FAAH2: variants seen among roughly 807,000 people sequenced by gnomAD.
FAAH2 encodes fatty acid amide hydrolase 2.
FAAH2 carries 60 observed loss-of-function variants against 36.9 expected under a neutral mutation model. The ratio of observed to expected loss-of-function variants is 1.63; its 90% CI spans 1.32 to 2.02. The LOEUF is 2.02. FAAH2 is among the 30% of genes most tolerant of loss of function. The probability of loss-of-function intolerance (pLI) is 0.00; values close to 1 mark genes in which losing one functional copy is unlikely to be tolerated. For missense variants in FAAH2, 689 were observed against 397.5 expected (o/e 1.73, Z -6.23); for synonymous variants, 214 against 143.8 (o/e 1.49, Z -3.49).
At chrX:57,365,069 A>C (rs938046937) in intron 5 of FAAH2, among the ~76,000 whole-genome samples, 1 of 111,674 alleles carries the variant, frequency 9.0e-6, no homozygotes, top group Non-Finnish European at 1.9e-5. Flanking sequence ...ATCAAGTATA[A>C]AGATTTATTC....
chrX:57,282,546 T>A (rs761896966), upstream of FAAH2, among the ~76,000 whole-genome samples: 3 of 112,156 alleles, frequency 2.7e-5, no homozygotes, highest in Non-Finnish European at 5.6e-5. Flanking sequence ...TCTGTGTGGG[T>A]TGATGTTCCT....
At chrX:57,466,156 C>CTCTATATATATATATATATA (rs1287266105) in intron 10 of FAAH2, among the ~76,000 whole-genome samples, 12 of 66,382 alleles carry the variant, frequency 1.8e-4, no homozygotes, top group African/African-American at 4.7e-4. Flanking sequence ...CTCTCTCTCT[C>CTCTATATATATATATATATA]TATATATATA....
the FAAH2 span, among the ~76,000 whole-genome samples, chrX:57,216,546 ATATG>A: frequency 3.3e-4 from 20 of 59,717 alleles, no homozygotes; most frequent in Non-Finnish European, 5.2e-4. Context: ...ATATATACGT[ATATG>A]TATATATATA....
At chrX:57,284,423 C>A (rs1055833774), upstream of FAAH2, among the ~76,000 whole-genome samples, 2 of 101,442 alleles carry the variant, frequency 2.0e-5, no homozygotes, top group African/African-American at 4.0e-5. Flanking sequence ...ACAACAACAA[C>A]AAAACCTGGA....
intron 5 of FAAH2, among the ~76,000 whole-genome samples, chrX:57,377,427 G>C (rs1367730325): frequency 1.8e-5 from 2 of 111,841 alleles, no homozygotes; most frequent in Middle Eastern, 4.6e-3. Flanking sequence ...TCTTGTTTTT[G>C]TCAGGTTTGT....
At chrX:57,422,854 AT>A (rs1330348673) in intron 7 of FAAH2, among the ~76,000 whole-genome samples, 1 of 112,374 alleles carries the variant, frequency 8.9e-6, no homozygotes, top group African/African-American at 3.2e-5. Context: ...ACACTGTAAA[AT>A]TTTATCCAAG....
At chrX:57,178,938 C>T in the FAAH2 span, among the ~76,000 whole-genome samples, 298 of 111,771 alleles carry the variant, frequency 2.7e-3, no homozygotes, top group African/African-American at 9.0e-3. Flanking sequence ...AATCAGAAAA[C>T]ATACAAGCCA....
At chrX:57,159,408 T>G in the FAAH2 span, among the ~76,000 whole-genome samples, 1 of 111,754 alleles carries the variant, frequency 8.9e-6, no homozygotes, top group Non-Finnish European at 1.9e-5. Context: ...GGGATGGCAT[T>G]GAATCTATAA....
intron 7 of FAAH2, among the ~76,000 whole-genome samples, chrX:57,417,035 T>C (rs2147055792): frequency 8.9e-6 from 1 of 112,213 alleles, no homozygotes; most frequent in Admixed American, 9.5e-5. Flanking sequence ...TTGATACTTG[T>C]GTATGCTTCA....
intron 7 of FAAH2, among the ~76,000 whole-genome samples, chrX:57,431,003 A>G (rs780089935): frequency 9.0e-6 from 1 of 111,415 alleles, no homozygotes; most frequent in Non-Finnish European, 1.9e-5. Flanking sequence ...AGTGTAGGAC[A>G]CCTTTTGGTC....
At chrX:57,329,724 C>T (rs911974707) in intron 3 of FAAH2, among the ~76,000 whole-genome samples, 4 of 110,199 alleles carry the variant, frequency 3.6e-5, no homozygotes, top group African/African-American at 9.9e-5. Context: ...GGGAGGCTGC[C>T]GTAGTGGCAG....
chrX:57,480,870 C>T (rs776725942), intron 10 of FAAH2, among the ~76,000 whole-genome samples: 17 of 110,979 alleles, frequency 1.5e-4, no homozygotes, highest in Admixed American at 7.7e-4. Flanking sequence ...CCCTCAGGGA[C>T]CCCAGTCGAT....
chrX:57,384,860 G>A (rs1014971466), intron 7 of FAAH2, among the ~76,000 whole-genome samples: 3 of 110,801 alleles, frequency 2.7e-5, no homozygotes, highest in Non-Finnish European at 5.7e-5. Flanking sequence ...ATTCACAATA[G>A]CAAAGACTTG....
chrX:57,338,858 T>G (rs1235966372), intron 4 of FAAH2, among the ~76,000 whole-genome samples: 1 of 111,397 alleles, frequency 9.0e-6, no homozygotes, highest in Non-Finnish European at 1.9e-5. Context: ...GATTCAATGC[T>G]ATTCCTATTA....
At chrX:57,202,949 C>A in the FAAH2 span, among the ~76,000 whole-genome samples, 1 of 112,038 alleles carries the variant, frequency 8.9e-6, no homozygotes, top group Non-Finnish European at 1.9e-5. Flanking sequence ...TTTTGCCAGA[C>A]TAACACTATT....
chrX:57,303,465 T>A (rs888435767), intron 2 of FAAH2, among the ~76,000 whole-genome samples: 6 of 112,229 alleles, frequency 5.3e-5, no homozygotes, highest in African/African-American at 1.3e-4. Flanking sequence ...GAGAACCTGA[T>A]GAATTAGAAA....
intron 5 of FAAH2, among the ~76,000 whole-genome samples, chrX:57,361,513 A>AGAT (rs1186915516): frequency 9.0e-5 from 10 of 111,537 alleles, no homozygotes; most frequent in African/African-American, 3.2e-4. Context: ...CAAGAAATTA[A>AGAT]GATTTTTTCC....
chrX:57,330,389 T>A (rs945730406), intron 3 of FAAH2, among the ~76,000 whole-genome samples: 9 of 111,404 alleles, frequency 8.1e-5, no homozygotes, highest in Non-Finnish European at 1.7e-4. Flanking sequence ...GAAAAGGAAA[T>A]TCCTGTCTAA....
chrX:57,200,857 G>C, the FAAH2 span, among the ~76,000 whole-genome samples: 2 of 110,837 alleles, frequency 1.8e-5, no homozygotes, highest in African/African-American at 6.6e-5. Context: ...CATTACCAGT[G>C]AGTTTTGTAC....
Sources: allele counts gnomAD v4.1 joint callset (sites outside exome capture counted in the v4.1 genomes callset), GRCh38; gene constraint gnomAD v4.1.1; transcripts MANE v1.5; gene names NCBI Gene and HGNC (gene_info 2026-07-23, HGNC 2026-07-21).